Variants in ABTB3 observed in about 807,000 individuals in gnomAD.
ABTB3 encodes the protein ankyrin repeat and BTB domain containing 3.
chr12:107,464,660 C>A, the ABTB3 span, among the ~76,000 whole-genome samples: 1 of 152,144 alleles, frequency 6.6e-6, no homozygotes, highest in Non-Finnish European at 1.5e-5. Context: ...ACTGAGCCAT[C>A]TGTTATCCAG....
chr12:107,404,991 G>A, the ABTB3 span, among the ~76,000 whole-genome samples: 21 of 152,322 alleles, frequency 1.4e-4, no homozygotes, highest in East Asian at 1.5e-3. Context: ...GCCTCACATC[G>A]GTGTGAGGTG....
the ABTB3 span, among the ~76,000 whole-genome samples, chr12:107,335,429 TATC>T: frequency 1.3e-5 from 2 of 149,918 alleles, no homozygotes; most frequent in South Asian, 4.4e-4. Flanking sequence ...GCCCTCAGTA[TATC>T]ATCTATAAAC....
the ABTB3 span, among the ~76,000 whole-genome samples, chr12:107,509,710 A>C: frequency 3.3e-5 from 5 of 152,224 alleles, no homozygotes; most frequent in African/African-American, 1.2e-4. Flanking sequence ...GGAGTAGGGC[A>C]TGCCTCTCGC....
the ABTB3 span, among the ~76,000 whole-genome samples, chr12:107,583,329 T>G: frequency 6.6e-6 from 1 of 152,196 alleles, no homozygotes. Context: ...TGGAAGGCCT[T>G]TAATACTTTC....
At chr12:107,442,746 G>A in the ABTB3 span, among the ~76,000 whole-genome samples, 2 of 152,206 alleles carry the variant, frequency 1.3e-5, no homozygotes, top group African/African-American at 4.8e-5. Flanking sequence ...AGGAAAGGGG[G>A]TTGTGGGGAG....
At chr12:107,458,147 T>C in the ABTB3 span, among the ~76,000 whole-genome samples, 3 of 152,206 alleles carry the variant, frequency 2.0e-5, no homozygotes, top group Non-Finnish European at 4.4e-5. Context: ...CCCTGTCTAA[T>C]GTCCCCCTTT....
the ABTB3 span, among the ~76,000 whole-genome samples, chr12:107,536,924 A>G: frequency 6.6e-6 from 1 of 152,180 alleles, no homozygotes; most frequent in Non-Finnish European, 1.5e-5. Context: ...ACATGTCTGC[A>G]CCCTCATGTT....
the ABTB3 span, among the ~76,000 whole-genome samples, chr12:107,521,788 C>T: frequency 8.6e-5 from 13 of 151,618 alleles, no homozygotes; most frequent in Non-Finnish European, 1.8e-4. Context: ...TTCCCTCTGC[C>T]TGAACTGTTC....
chr12:107,320,157 C>A, the ABTB3 span: 1 of 1,346,442 alleles, frequency 7.4e-7, no homozygotes, highest in South Asian at 2.2e-5. Context: ...CCCCCTCCCG[C>A]GTCTTCCCAG....
the ABTB3 span, among the ~76,000 whole-genome samples, chr12:107,514,443 G>T: frequency 6.6e-6 from 1 of 152,136 alleles, no homozygotes; most frequent in African/African-American, 2.4e-5. Flanking sequence ...ATGTTCATTT[G>T]CTCTCCAGGG....
the ABTB3 span, among the ~76,000 whole-genome samples, chr12:107,379,234 TG>T: frequency 1.3e-5 from 2 of 152,202 alleles, no homozygotes; most frequent in African/African-American, 4.8e-5. Flanking sequence ...TCCTGGTTGT[TG>T]GCATTGCTCT....
At chr12:107,328,621 C>A in the ABTB3 span, among the ~76,000 whole-genome samples, 1 of 152,214 alleles carries the variant, frequency 6.6e-6, no homozygotes, top group Non-Finnish European at 1.5e-5. Context: ...TTCATTTAAT[C>A]TCCACACTCT....
the ABTB3 span, among the ~76,000 whole-genome samples, chr12:107,656,755 TG>T: frequency 6.6e-6 from 1 of 152,152 alleles, no homozygotes; most frequent in African/African-American, 2.4e-5. Context: ...GGTGTGCTGG[TG>T]GGGGGTGCTG....
chr12:107,395,185 A>G, the ABTB3 span, among the ~76,000 whole-genome samples: 1 of 152,130 alleles, frequency 6.6e-6, no homozygotes, highest in South Asian at 2.1e-4. Context: ...CATTGAGTTG[A>G]CCTGTTTCTT....
chr12:107,330,996 T>G, the ABTB3 span, among the ~76,000 whole-genome samples: 1 of 152,132 alleles, frequency 6.6e-6, no homozygotes, highest in Admixed American at 6.5e-5. Flanking sequence ...AGTGAAATCT[T>G]AAAGTACAGT....
At chr12:107,657,503 CCA>C in the ABTB3 span, 1 of 1,613,450 alleles carries the variant, frequency 6.2e-7, no homozygotes, top group South Asian at 1.1e-5. Context: ...TCTCCACTCT[CCA>C]CAGTTTCTTG....
At chr12:107,375,215 G>A in the ABTB3 span, among the ~76,000 whole-genome samples, 1 of 152,106 alleles carries the variant, frequency 6.6e-6, no homozygotes, top group Non-Finnish European at 1.5e-5. Flanking sequence ...CCAGAAATTT[G>A]AGACCAGCCT....
At chr12:107,653,230 G>A in the ABTB3 span, among the ~76,000 whole-genome samples, 1 of 152,134 alleles carries the variant, frequency 6.6e-6, no homozygotes, top group Non-Finnish European at 1.5e-5. Flanking sequence ...AAATCAGATT[G>A]CATTGGCCGG....
the ABTB3 span, among the ~76,000 whole-genome samples, chr12:107,506,250 G>A: frequency 1.3e-5 from 2 of 152,254 alleles, no homozygotes; most frequent in South Asian, 4.1e-4. Flanking sequence ...TTGAATAGGT[G>A]GAGGGCTTTC....
Sources: gnomAD v4.1 joint callset for allele counts (sites outside exome capture counted in the v4.1 genomes callset) on GRCh38, gnomAD v4.1.1 for gene constraint, MANE v1.5 for transcripts, NCBI Gene and HGNC (gene_info 2026-07-23, HGNC 2026-07-21) for gene names.